STK11: variants seen among roughly 807,000 people sequenced by gnomAD.
STK11 encodes serine/threonine kinase 11, also known as serine/threonine-protein kinase STK11.
A neutral mutation model predicts 47.3 loss-of-function variants in STK11; 8 were observed. The ratio of observed to expected loss-of-function variants is 0.17; its 90% CI spans 0.10 to 0.31. STK11 has a LOEUF of 0.31. Ranked by LOEUF, STK11 falls within the 10% of genes least tolerant of loss-of-function variation. The probability of loss-of-function intolerance (pLI) is 1.00; values close to 1 mark genes in which losing one functional copy is unlikely to be tolerated. For synonymous variants in STK11, 330 were observed against 255.8 expected (o/e 1.29, Z -2.77); for missense variants, 475 against 605.0 (o/e 0.79, Z 2.25).
In STK11 at chr19:1,207,132, C is replaced by T. The variant is rs761825242; in HGVS notation, c.219C>T (p.Cys73=). The T allele has an allele frequency of 5.0e-6, 8 of 1,613,612 alleles. No individual in the cohort carries two copies. In the South Asian group the frequency reaches 6.6e-5, roughly 13 times the overall value. ...VKEVLDSETL[C]RRAVKILKKK... ...AGGTGCTGGACTCGGAGACGCTGTG[C>T]AGGAGGGCCGTCAAGATCCTCAAGA... Residue 73 remains cysteine (C), a synonymous_variant, in exon 1 of 10, where the codon TGC becomes TGT. Coordinates refer to ENST00000326873, the MANE Select transcript of STK11 (RefSeq NM_000455.5).
chr19:1,221,540 A>C, intron 6 of STK11, 200 bp downstream of exon 6: 2 of 819,164 alleles, frequency 2.4e-6, no homozygotes, highest in East Asian at 2.7e-5. Flanking sequence ...GGCCCTGTTC[A>C]CCCTCCGAAC....
At chr19:1,208,153 A>C (rs2080681590) in intron 1 of STK11, among the ~76,000 whole-genome samples, 3 of 152,032 alleles carry the variant, frequency 2.0e-5, no homozygotes, top group African/African-American at 7.2e-5. Flanking sequence ...ACTGGCAAGG[A>C]CACCCTGCGC....
At chr19:1,225,347 A>G (rs1568715187) in intron 8 of STK11, 3 of 935,450 alleles carry the variant, frequency 3.2e-6, no homozygotes, top group Non-Finnish European at 3.8e-6. Context: ...ATCTCGGCTC[A>G]CTGCAACCTC....
rs1555734974 is a variant in STK11, at chr19:1,207,057, G to A, written c.144G>A (p.Lys48=). The A allele has an allele frequency of 1.2e-6, 2 of 1,613,952 alleles. No homozygotes were observed. The highest frequency in any genetic ancestry group is 1.3e-5 in the African/African-American group (1 of 75,042). The change falls in exon 1 of 10, where the codon AAG becomes AAA. Residue 48 remains lysine, a synonymous_variant. Coordinates refer to ENST00000326873, the MANE Select transcript of STK11 (RefSeq NM_000455.5). ...GCAAGCGGGCCAAGCTCATCGGCAA[G>A]TACCTGATGGGGGACCTGCTGGGGG... ...PRRKRAKLIG[K]YLMGDLLGEG...
chr19:1,209,135 C>T (rs1687028067), intron 1 of STK11, among the ~76,000 whole-genome samples: 1 of 87,182 alleles, frequency 1.1e-5, no homozygotes, highest in Non-Finnish European at 2.9e-5. Flanking sequence ...TTGCCTGTGC[C>T]TGGTCTCTGT....
chr19:1,226,720 C>T (rs1053223353), intron 9 of STK11, 57 bp downstream of exon 9: 17 of 1,438,462 alleles, frequency 1.2e-5, no homozygotes, highest in African/African-American at 2.9e-5. Flanking sequence ...GATGCCACAG[C>T]CAGCCGTGAG....
intron 3 of STK11, chr19:1,220,152 C>T (rs905719307): frequency 2.2e-5 from 12 of 548,850 alleles, no homozygotes; most frequent in Admixed American, 6.5e-5. Flanking sequence ...TGTGGACATC[C>T]GGGGCCCTGC....
intron 8 of STK11, chr19:1,225,030 C>T (rs2080811158): frequency 4.1e-6 from 4 of 980,472 alleles, no homozygotes; most frequent in Non-Finnish European, 2.4e-6. Context: ...ACTTTGGCCT[C>T]ACGTGTCCCT....
chr19:1,221,411 G>C (rs2145427571), intron 6 of STK11, 71 bp downstream of exon 6: 1 of 1,495,756 alleles, frequency 6.7e-7, no homozygotes, highest in Non-Finnish European at 8.9e-7. Context: ...AGGGTTGGGG[G>C]TGTCAGGTGG....
intron 3 of STK11, chr19:1,220,090 C>G: frequency 2.4e-6 from 1 of 421,852 alleles, no homozygotes; most frequent in East Asian, 4.1e-5. Context: ...GCCTGCTGTT[C>G]CAGCAAGACT....
rs945815282 is a variant in STK11 at position 1,227,982 on chromosome 19, C to G, written c.*406C>G. The G allele has an allele frequency of 9.4e-7, 1 of 1,068,766 alleles. No individual in the cohort carries two copies. Among genetic ancestry groups the G allele is most frequent in the South Asian group, 4.5e-5 (1 of 22,014 alleles). The allele number at this position is 1,068,766 out of a possible 1,614,324, so 66.2% of individuals were successfully genotyped here. A position where few individuals can be genotyped will look rare whatever the true frequency, so the allele number is the denominator to read the frequency against. On this transcript the variant is annotated 3_prime_UTR_variant, in exon 10 of 10. Transcript: ENST00000326873. Reference sequence around the variant, plus strand: ...GGTGTGGAGACCAGGCTCCTGACCCCGCCATGCATGCAGCGCCACCTGGAA... The same window carrying G: ...GGTGTGGAGACCAGGCTCCTGACCCGGCCATGCATGCAGCGCCACCTGGAA...
Position 1,206,926 on chromosome 19 carries a change from G to A in STK11, c.13G>A (p.Asp5Asn), listed in dbSNP as rs1399081375. ...CCCTGGGTCCAGCATGGAGGTGGTG[G>A]ACCCGCAGCAGCTGGGCATGTTCAC... Reference protein sequence around the residue: MEVVDPQQLGMFTEG... With the variant: MEVVNPQQLGMFTEG... Residue 5 changes from aspartate (D) to asparagine (N), a missense_variant, in exon 1 of 10, where the codon GAC (aspartate) becomes AAC (asparagine). Coordinates refer to ENST00000326873, the MANE Select transcript of STK11 (RefSeq NM_000455.5). The A allele has an allele frequency of 1.3e-6, 2 of 1,586,274 alleles. No individual in the cohort carries two copies. Among genetic ancestry groups the A allele is most frequent in the East Asian group, 4.6e-5 (2 of 43,328 alleles).
intron 7 of STK11, among the ~76,000 whole-genome samples, chr19:1,222,279 C>T (rs1210536695): frequency 9.8e-5 from 15 of 152,354 alleles, no homozygotes. Context: ...AGGAAGGGCA[C>T]AGCTGGTCCC....
Position 1,227,811 on chromosome 19 carries a change from CCCCGGGCGGAGCCTT to C in STK11, c.*245_*259del, listed in dbSNP as rs932138738. Reference sequence around the variant, plus strand: ...TGCACGCGGCTTGTTGACTTCGCAGCCCCGGGCGGAGCCTTCCCGGGCGGGCGTGGGAGGAGGGAG... The same window carrying C: ...TGCACGCGGCTTGTTGACTTCGCAGCCCCGGGCGGGCGTGGGAGGAGGGAG... On this transcript the variant is annotated 3_prime_UTR_variant, in exon 10 of 10. Coordinates refer to ENST00000326873, the MANE Select transcript of STK11 (RefSeq NM_000455.5). 62 of 1,072,636 alleles carry C rather than the reference CCCCGGGCGGAGCCTT, an allele frequency of 5.8e-5. No individual in the cohort carries two copies. The highest frequency in any genetic ancestry group is 3.7e-4 in the Admixed American group (7 of 18,806). 66.4% of individuals were successfully genotyped at this position (1,072,636 alleles called of 1,614,324 possible).
chr19:1,227,367 C>A, intron 9 of STK11: 1 of 267,246 alleles, frequency 3.7e-6, no homozygotes, highest in African/African-American at 2.2e-5. Context: ...AATGGGTGCC[C>A]ACAGCCCATC....
chr19:1,223,513 G>C, intron 8 of STK11: 1 of 953,216 alleles, frequency 1.0e-6, no homozygotes, highest in Non-Finnish European at 1.4e-6. Context: ...GGGGAGGGTA[G>C]GTGAGAGTCA....
chr19:1,224,191 C>G (rs1303633324), intron 8 of STK11: 12 of 985,152 alleles, frequency 1.2e-5, no homozygotes, highest in Non-Finnish European at 1.4e-5. Flanking sequence ...ATGGGGGTCC[C>G]CGGGGGGTAC....
chr19:1,220,044 C>T, intron 3 of STK11: 1 of 308,564 alleles, frequency 3.2e-6, no homozygotes, highest in South Asian at 4.9e-5. Context: ...AGAGTCAGGG[C>T]CCCTTGCTGC....
chr19:1,208,687 G>C (rs1024766683), intron 1 of STK11, among the ~76,000 whole-genome samples: 2 of 127,098 alleles, frequency 1.6e-5, no homozygotes, highest in African/African-American at 3.0e-5. Context: ...GAGTGGTCTT[G>C]GCTCACTGCA....
Sources: gnomAD v4.1 joint callset for allele counts (sites outside exome capture counted in the v4.1 genomes callset) on GRCh38, gnomAD v4.1.1 for gene constraint, MANE v1.5 for transcripts, NCBI Gene and HGNC (gene_info 2026-07-23, HGNC 2026-07-21) for gene names.